The following TMEM67 variants were observed in gnomAD, a reference collection of about 807,000 sequenced individuals.
TMEM67 encodes the protein meckelin.
Under a neutral mutation model 136.6 loss-of-function variants are expected in TMEM67, and 124 were observed. That is an observed-to-expected ratio of 0.91 (90% CI 0.78 to 1.05). The LOEUF (loss-of-function observed/expected upper bound fraction) is 1.05. Among genes scored for constraint, TMEM67 ranks in the 50% least tolerant of loss-of-function variants. TMEM67 has a pLI of 0.00. For synonymous variants in TMEM67, 364 were observed against 390.5 expected (o/e 0.93, Z 0.80); for missense variants, 1,107 against 1,178.4 (o/e 0.94, Z 0.89).
At chr8:93,784,597 G>C (rs1453865080) in intron 11 of TMEM67, among the ~76,000 whole-genome samples, 1 of 152,212 alleles carries the variant, frequency 6.6e-6, no homozygotes, top group Non-Finnish European at 1.5e-5. Context: ...GGGAAGTATA[G>C]AAAGGCTTCA....
chr8:93,816,302 T>C, intron 27 of TMEM67, 70 bp from the exon 28 acceptor site: 1 of 721,602 alleles, frequency 1.4e-6, no homozygotes, highest in Non-Finnish European at 2.4e-6. Flanking sequence ...TTAATCTAGA[T>C]ATTTTAATCG....
At chr8:93,767,576 C>T (rs1813131548) in intron 6 of TMEM67, among the ~76,000 whole-genome samples, 1 of 152,156 alleles carries the variant, frequency 6.6e-6, no homozygotes, top group East Asian at 1.9e-4. Context: ...CCCATTCATA[C>T]ACTTATTTTT....
the TMEM67 span, among the ~76,000 whole-genome samples, chr8:93,829,543 C>T: frequency 6.6e-6 from 1 of 152,206 alleles, no homozygotes; most frequent in African/African-American, 2.4e-5. Context: ...CAGCCAGGGG[C>T]CTCTTCTCCC....
chr8:93,758,660 A>G, intron 3 of TMEM67, 84 bp downstream of exon 3: 6 of 1,140,986 alleles, frequency 5.3e-6, no homozygotes, highest in Non-Finnish European at 6.6e-6. Flanking sequence ...ACTAATTTAA[A>G]TAGTTAAGTG....
chr8:93,756,029 T>C, intron 2 of TMEM67, 163 bp downstream of exon 2: 1 of 507,128 alleles, frequency 2.0e-6, no homozygotes, highest in Non-Finnish European at 3.5e-6. Context: ...TCAGCGAAAT[T>C]TCATGCAAAC....
intron 7 of TMEM67, among the ~76,000 whole-genome samples, chr8:93,779,169 A>C (rs1050066308): frequency 2.0e-5 from 3 of 152,164 alleles, no homozygotes; most frequent in Non-Finnish European, 4.4e-5. Flanking sequence ...TTGTGCATGC[A>C]TCACATAGTT....
At chr8:93,810,147 T>C (rs1192798247) in intron 26 of TMEM67, among the ~76,000 whole-genome samples, 1 of 150,704 alleles carries the variant, frequency 6.6e-6, no homozygotes, top group Non-Finnish European at 1.5e-5. Flanking sequence ...TTTTTTTGTA[T>C]TTTTAGTAGA....
At chr8:93,809,480 A>G (rs933264725) in intron 25 of TMEM67, among the ~76,000 whole-genome samples, 28 of 152,130 alleles carry the variant, frequency 1.8e-4, no homozygotes, top group African/African-American at 6.3e-4. Context: ...CAGTTACCAA[A>G]ATATTACTGT....
chr8:93,804,886 A>G lies in TMEM67; in HGVS notation c.2439+8A>G. 1.4e-6 allele frequency: 2 copies of G among 1,436,518 alleles called. No individual in the cohort carries two copies. Among genetic ancestry groups the G allele is most frequent in the South Asian group, 1.1e-5 (1 of 87,480 alleles). The allele number at this position is 1,436,518 out of a possible 1,614,324, so 89.0% of individuals were successfully genotyped here. The stretch of plus-strand genomic sequence containing the variant: ...AACCTTAAAAGAGAAGCGGTATGAA[A>G]ATGTTTTACATCTTTTTGTTTTTAA... On this transcript the variant is annotated splice_region_variant and intron_variant, in intron 23 of 27. Coordinates refer to ENST00000453321, the MANE Select transcript of TMEM67 (RefSeq NM_153704.6).
intron 23 of TMEM67, 80 bp downstream of exon 23, chr8:93,804,958 A>C (rs1815071117): frequency 2.2e-6 from 2 of 907,070 alleles, no homozygotes; most frequent in East Asian, 4.9e-5. Flanking sequence ...TTAAAAAAAA[A>C]ACAGTCTTCA....
At chr8:93,784,408 T>A (rs1250715678) in intron 11 of TMEM67, among the ~76,000 whole-genome samples, 1 of 152,216 alleles carries the variant, frequency 6.6e-6, no homozygotes, top group Admixed American at 6.5e-5. Flanking sequence ...AAGACTTGTG[T>A]CACATAAACT....
At chr8:93,799,904 CTTTTT>C (rs35554591) in intron 21 of TMEM67, 146 bp downstream of exon 21, 923 of 345,920 alleles carry the variant, frequency 2.7e-3, no homozygotes, top group East Asian at 4.4e-3. Flanking sequence ...ATGGTCAGTT[CTTTTT>C]TTTTTTTTTT....
intron 14 of TMEM67, among the ~76,000 whole-genome samples, chr8:93,790,904 T>C (rs1256624500): frequency 6.6e-6 from 1 of 152,224 alleles, no homozygotes; most frequent in Admixed American, 6.5e-5. Context: ...CTTTGATTAA[T>C]CTGCGGTTTA....
chr8:93,829,506 T>A, the TMEM67 span, among the ~76,000 whole-genome samples: 1 of 152,078 alleles, frequency 6.6e-6, no homozygotes, highest in Admixed American at 6.5e-5. Flanking sequence ...TCTAACTACC[T>A]CTAAGCATGG....
intron 3 of TMEM67, 143 bp from the exon 4 acceptor site, chr8:93,763,699 G>T: frequency 1.6e-6 from 1 of 643,804 alleles, no homozygotes; most frequent in Non-Finnish European, 2.8e-6. Flanking sequence ...GGAGATACTT[G>T]TTATGCCTTT....
chr8:93,758,531 T>G lies in TMEM67; in HGVS notation c.361T>G (p.Leu121Val), dbSNP rs934823566. ...GWNCISCPSD[L>V]TAEGKCHCPI... ...GAACTGCATTTCTTGCCCTAGTGAC[T>G]TAACTGCCGAAGGAAAATGTCACTG... Residue 121 changes from leucine to valine, a missense_variant, in exon 3 of 28, where the codon TTA becomes GTA. Transcript: ENST00000453321. 2 of 1,614,084 alleles carry G rather than the reference T, an allele frequency of 1.2e-6. No homozygotes were observed. Among genetic ancestry groups the G allele is most frequent in the Admixed American group, 1.7e-5 (1 of 60,032 alleles).
At chr8:93,830,574 C>T in the TMEM67 span, among the ~76,000 whole-genome samples, 10 of 152,256 alleles carry the variant, frequency 6.6e-5, no homozygotes, top group East Asian at 7.7e-4. Flanking sequence ...GGTTGGTGTC[C>T]GCTGCAGAAC....
At chr8:93,786,179 G>T in intron 12 of TMEM67, 44 bp from the exon 13 acceptor site, 1 of 1,594,868 alleles carries the variant, frequency 6.3e-7, no homozygotes. Flanking sequence ...ATAATTTCAT[G>T]TTTTAAATTT....
chr8:93,755,775 T>TTTGAAA lies in TMEM67; in HGVS notation c.224-3_224-2insTTGAAA. On this transcript the variant is annotated splice_polypyrimidine_tract_variant and splice_region_variant and intron_variant, in intron 1 of 27. Coordinates refer to ENST00000453321, the MANE Select transcript of TMEM67 (RefSeq NM_153704.6). ...GCTTTTTTTTTTTTTTTTTTTTTTT[T>TTTGAAA]AGGAACTTCATGTGTATGTCTACCA... 3 of 1,281,722 alleles carry TTTGAAA rather than the reference T, an allele frequency of 2.3e-6. No homozygotes were observed. The highest frequency in any genetic ancestry group is 3.3e-6 in the Non-Finnish European group (3 of 917,214). The allele number at this position is 1,281,722 out of a possible 1,614,324, so 79.4% of individuals were successfully genotyped here. A position where few individuals can be genotyped will look rare whatever the true frequency, so the allele number is the denominator to read the frequency against.
Sources: gnomAD v4.1 joint callset for allele counts (sites outside exome capture counted in the v4.1 genomes callset) on GRCh38, gnomAD v4.1.1 for gene constraint, MANE v1.5 for transcripts, NCBI Gene and HGNC (gene_info 2026-07-23, HGNC 2026-07-21) for gene names.